Variants in NFAT5 observed in about 807,000 individuals in gnomAD.
The protein encoded by NFAT5 is nuclear factor of activated T-cells 5.
Under a neutral mutation model 166.5 loss-of-function variants are expected in NFAT5, and 31 were observed. The ratio of observed to expected loss-of-function variants is 0.19; its 90% CI spans 0.14 to 0.25. The LOEUF is 0.25. Among genes scored for constraint, NFAT5 ranks in the 10% least tolerant of loss-of-function variants. The probability of loss-of-function intolerance (pLI) is 1.00; values close to 1 mark genes in which losing one functional copy is unlikely to be tolerated. For synonymous variants in NFAT5, 612 were observed against 639.7 expected (o/e 0.96, Z 0.65); for missense variants, 1,449 against 1,821.8 (o/e 0.80, Z 3.72).
chr16:69,615,250 A>G (rs765583515), intron 2 of NFAT5, among the ~76,000 whole-genome samples: 33 of 152,296 alleles, frequency 2.2e-4, no homozygotes, highest in Admixed American at 3.3e-4. Context: ...CATGTTGGCC[A>G]GGCTGCTCTC....
At chr16:69,581,098 G>A (rs1297896226) in intron 2 of NFAT5, among the ~76,000 whole-genome samples, 2 of 152,148 alleles carry the variant, frequency 1.3e-5, no homozygotes, top group Non-Finnish European at 2.9e-5. Context: ...CTGGAATGCA[G>A]TGGTGCGATC....
chr16:69,680,620 G>A (rs2151693385), intron 10 of NFAT5, among the ~76,000 whole-genome samples: 1 of 152,242 alleles, frequency 6.6e-6, no homozygotes, highest in Non-Finnish European at 1.5e-5. Context: ...GTTACAGATA[G>A]CAATCACTCT....
intron 1 of NFAT5, 98 bp from the exon 2 acceptor site, chr16:69,568,397 C>T (rs2016239644): frequency 6.0e-6 from 3 of 504,086 alleles, no homozygotes; most frequent in Non-Finnish European, 1.0e-5. Context: ...TATATATACA[C>T]ACACACACAT....
intron 2 of NFAT5, among the ~76,000 whole-genome samples, chr16:69,616,204 G>A (rs756083892): frequency 2.0e-5 from 3 of 151,868 alleles, no homozygotes; most frequent in Non-Finnish European, 2.9e-5. Context: ...TTCAGCTCAG[G>A]CTCCAAGGCC....
chr16:69,685,170 T>TA (rs1567606519), intron 11 of NFAT5, 200 bp downstream of exon 11: 5 of 152,366 alleles, frequency 3.3e-5, no homozygotes, highest in African/African-American at 5.2e-5. Context: ...GAATATGTTT[T>TA]TATATATATA....
intron 2 of NFAT5, among the ~76,000 whole-genome samples, chr16:69,621,036 T>C (rs1358788604): frequency 6.6e-6 from 1 of 152,232 alleles, no homozygotes; most frequent in Non-Finnish European, 1.5e-5. Flanking sequence ...TTTTATCACA[T>C]ATTTTACTGA....
rs754422876 is a variant in NFAT5 at position 69,647,105 on chromosome 16, T to C, written c.331T>C (p.Tyr111His). The change falls in exon 4 of 15, where the codon TAT becomes CAT. Residue 111 changes from tyrosine (Y) to histidine (H), a missense_variant. Coordinates refer to ENST00000349945, the MANE Select transcript of NFAT5 (RefSeq NM_138713.4). The surrounding 1 kb of genome is among the most constrained non-coding windows in gnomAD (Gnocchi z 4.8). ...TACCACCTCTTCCAGCCCTACCATTTATTCTACCTCAGTCACCGACAGCAA... is the reference window on the plus strand; with the variant it reads ...TACCACCTCTTCCAGCCCTACCATTCATTCTACCTCAGTCACCGACAGCAA... ...SFTTSSSPTI[Y>H]STSVTDSKAM... 6.2e-7 allele frequency: 1 copy of C among 1,613,350 alleles called. No individual in the cohort carries two copies. The highest frequency in any genetic ancestry group is 2.2e-5 in the East Asian group (1 of 44,856).
chr16:69,596,700 A>G (rs1299367304), intron 2 of NFAT5, among the ~76,000 whole-genome samples: 1 of 151,402 alleles, frequency 6.6e-6, no homozygotes, highest in Non-Finnish European at 1.5e-5. Flanking sequence ...CCTGGGCGAC[A>G]GAGCAAGACT....
intron 4 of NFAT5, among the ~76,000 whole-genome samples, chr16:69,649,770 A>T (rs1401629370): frequency 6.6e-6 from 1 of 151,990 alleles, no homozygotes; most frequent in Non-Finnish European, 1.5e-5. Context: ...GTTTTGAGAG[A>T]TAAGGATATA....
intron 3 of NFAT5, among the ~76,000 whole-genome samples, chr16:69,635,030 T>G (rs981489142): frequency 4.1e-5 from 6 of 147,008 alleles, no homozygotes; most frequent in Non-Finnish European, 7.5e-5. Flanking sequence ...AAAGTTTTTT[T>G]TTTTTTTTTT....
At chr16:69,640,188 G>A (rs2035142287) in intron 3 of NFAT5, among the ~76,000 whole-genome samples, 2 of 152,178 alleles carry the variant, frequency 1.3e-5, no homozygotes, top group African/African-American at 2.4e-5. Flanking sequence ...TTGTGTGACA[G>A]TGTCTGTCAA....
At chr16:69,655,516 A>G (rs927628065) in intron 5 of NFAT5, 93 bp from the exon 6 acceptor site, 1 of 944,620 alleles carries the variant, frequency 1.1e-6, no homozygotes, top group Non-Finnish European at 1.5e-6. Context: ...TAATTCAGTT[A>G]CAAGTATAGG....
intron 2 of NFAT5, among the ~76,000 whole-genome samples, chr16:69,611,795 A>G (rs576861293): frequency 6.6e-6 from 1 of 152,186 alleles, no homozygotes; most frequent in Non-Finnish European, 1.5e-5. Flanking sequence ...TTAGGTTCCA[A>G]CATGAATTTT....
intron 12 of NFAT5, 107 bp downstream of exon 12, chr16:69,691,195 T>A: frequency 9.3e-7 from 1 of 1,079,980 alleles, no homozygotes. Context: ...TAATGAATTT[T>A]GCTGTAAAGA....
At chr16:69,660,653 C>T (rs1053416462) in intron 7 of NFAT5, among the ~76,000 whole-genome samples, 6 of 152,106 alleles carry the variant, frequency 3.9e-5, no homozygotes, top group African/African-American at 1.4e-4. Flanking sequence ...ATTCTTATCA[C>T]TAACCTTGAC....
At chr16:69,623,397 G>A (rs1211744420) in intron 2 of NFAT5, among the ~76,000 whole-genome samples, 2 of 150,674 alleles carry the variant, frequency 1.3e-5, no homozygotes, top group Non-Finnish European at 2.9e-5. Flanking sequence ...GCACGATCTC[G>A]ACTCACTGCA....
intron 3 of NFAT5, among the ~76,000 whole-genome samples, chr16:69,633,783 C>G (rs114505248): frequency 0.046 from 6,977 of 152,088 alleles, 552 homozygotes; most frequent in African/African-American, 0.16. Context: ...TGTAGGATGA[C>G]TGTAGTTAAC....
chr16:69,566,117 CCA>C lies in NFAT5; in HGVS notation c.-183_-182del. On this transcript the variant is annotated 5_prime_UTR_variant, in exon 1 of 15. Transcript: ENST00000349945. This position sits in a 1 kb window ranked among gnomAD's most constrained non-coding sequence, Gnocchi z 5.7. Reference sequence around the variant, plus strand: ...AATCAGTCCCCGTGGAGTTCCCCCTCCACCTCGCCATCGTTTCCTCGGTCCTC... The same window carrying C: ...AATCAGTCCCCGTGGAGTTCCCCCTCCCTCGCCATCGTTTCCTCGGTCCTC... The C allele has an allele frequency of 3.5e-6, 2 of 574,700 alleles. No individual in the cohort carries two copies. Among genetic ancestry groups the C allele is most frequent in the Non-Finnish European group, 6.0e-6 (2 of 331,010 alleles). 35.6% of individuals were successfully genotyped at this position (574,700 alleles called of 1,614,324 possible).
At chr16:69,648,880 C>T (rs2035558238) in intron 4 of NFAT5, 6 of 929,134 alleles carry the variant, frequency 6.5e-6, no homozygotes, top group Non-Finnish European at 6.4e-6. Flanking sequence ...ATATATTTAA[C>T]TTGCCCTTAA....
Sources: allele counts gnomAD v4.1 joint callset (sites outside exome capture counted in the v4.1 genomes callset), GRCh38; gene constraint gnomAD v4.1.1; non-coding constraint Gnocchi (gnomAD v3.1); transcripts MANE v1.5; gene names NCBI Gene and HGNC (gene_info 2026-07-23, HGNC 2026-07-21).